The following SLC9C1 variants were observed in gnomAD, a reference collection of about 807,000 sequenced individuals.
SLC9C1 encodes the protein sodium/hydrogen exchanger 10.
SLC9C1 carries 97 observed loss-of-function variants against 140.9 expected under a neutral mutation model. The observed-to-expected ratio is 0.69, with a 90% confidence interval of 0.58 to 0.82. The LOEUF is 0.82. SLC9C1 is among the 40% of genes least tolerant of loss of function. The probability of loss-of-function intolerance (pLI) is 0.00; values close to 1 mark genes in which losing one functional copy is unlikely to be tolerated. For missense variants in SLC9C1, 1,340 were observed against 1,389.3 expected, an observed-to-expected ratio of 0.96 and a Z score of 0.56; for synonymous variants, 440 against 442.6, an observed-to-expected ratio of 0.99 and a Z score of 0.07.
chr3:112,199,982 A>C (rs1179602137), intron 19 of SLC9C1, among the ~76,000 whole-genome samples: 1 of 151,992 alleles, frequency 6.6e-6, no homozygotes, highest in Non-Finnish European at 1.5e-5. Flanking sequence ...AGTCCATGAA[A>C]ATTTCATCTT....
intron 1 of SLC9C1, among the ~76,000 whole-genome samples, chr3:112,293,110 TACAA>T (rs750397313): frequency 5.6e-5 from 1 of 17,970 alleles, no homozygotes; most frequent in African/African-American, 2.0e-4. Context: ...CTACTAAAAA[TACAA>T]AAAAAAAAAA....
At chr3:112,262,194 T>C (rs912128829) in intron 10 of SLC9C1, among the ~76,000 whole-genome samples, 5 of 152,062 alleles carry the variant, frequency 3.3e-5, no homozygotes, top group Non-Finnish European at 7.4e-5. Context: ...GTGATGACAC[T>C]GATCTTGAAT....
At position 112,141,202 on chromosome 3, in the gene SLC9C1, AGT is replaced by A. The variant is rs1226243434; in HGVS notation, c.*68_*69del. 3.5e-6 allele frequency: 5 copies of A among 1,439,876 alleles called. No homozygotes were observed. Among genetic ancestry groups the A allele is most frequent in the Non-Finnish European group, 4.6e-6 (5 of 1,077,710 alleles). The allele number at this position is 1,439,876 out of a possible 1,614,324, so 89.2% of individuals were successfully genotyped here. ...AAGTTACTCCTTCTTGATGTAGGGA[AGT>A]GTGTTTCTGCAGCAGGAGGCCTCTC... is the stretch of plus-strand genomic sequence containing the variant. On this transcript the variant is annotated 3_prime_UTR_variant, in exon 29 of 29. Coordinates refer to ENST00000305815, the MANE Select transcript of SLC9C1 (RefSeq NM_183061.3).
intron 23 of SLC9C1, among the ~76,000 whole-genome samples, chr3:112,174,003 T>C (rs1384295160): frequency 6.6e-6 from 1 of 152,214 alleles, no homozygotes; most frequent in Non-Finnish European, 1.5e-5. Flanking sequence ...TATCTCATTG[T>C]GTTTTGATTT....
chr3:112,286,757 G>C lies in SLC9C1; in HGVS notation c.35C>G (p.Thr12Ser), dbSNP rs1156295904. Residue 12 changes from threonine to serine, a missense_variant, in exon 2 of 29, where the codon ACT (threonine) becomes AGT (serine). Coordinates refer to ENST00000305815, the MANE Select transcript of SLC9C1 (RefSeq NM_183061.3). ...TAGAATGACTTCAGGGAGGTCCTCAGTACTGAAAAAAAACTCCTTAAATAT... is the reference window on the plus strand; with the variant it reads ...TAGAATGACTTCAGGGAGGTCCTCACTACTGAAAAAAAACTCCTTAAATAT... ...AGIFKEFFFS[T>S]EDLPEVILTL... The C allele has an allele frequency of 6.2e-7, 1 of 1,611,932 alleles. No homozygotes were observed. Among genetic ancestry groups the C allele is most frequent in the Non-Finnish European group, 8.5e-7 (1 of 1,179,302 alleles).
intron 10 of SLC9C1, among the ~76,000 whole-genome samples, chr3:112,251,142 G>GGGGT (rs1293084296): frequency 1.3e-5 from 2 of 152,090 alleles, no homozygotes; most frequent in Non-Finnish European, 2.9e-5. Flanking sequence ...AGAAATAGAA[G>GGGGT]GGGTGAGTAA....
At chr3:112,224,002 G>A (rs2078611698) in intron 13 of SLC9C1, among the ~76,000 whole-genome samples, 2 of 152,178 alleles carry the variant, frequency 1.3e-5, no homozygotes, top group Admixed American at 1.3e-4. Flanking sequence ...AGACCAGCCT[G>A]GAACCCTGTC....
chr3:112,163,303 C>A (rs1560016841), intron 26 of SLC9C1, among the ~76,000 whole-genome samples: 1 of 147,590 alleles, frequency 6.8e-6, no homozygotes, highest in Non-Finnish European at 1.5e-5. Context: ...TTATTTCTTG[C>A]CTTCTGCTAG....
At chr3:112,286,650 A>T (rs530627651) in intron 2 of SLC9C1, 54 bp downstream of exon 2, 1 of 1,446,998 alleles carries the variant, frequency 6.9e-7, no homozygotes, top group East Asian at 2.3e-5. Context: ...ATATGGTAGC[A>T]TTTATAAGAT....
intron 2 of SLC9C1, 79 bp downstream of exon 2, chr3:112,286,625 A>G: frequency 8.2e-7 from 1 of 1,212,638 alleles, no homozygotes. Flanking sequence ...TATTACTTCT[A>G]CTTTCCTTAA....
chr3:112,280,610 A>G, intron 3 of SLC9C1, 73 bp downstream of exon 3: 1 of 1,369,260 alleles, frequency 7.3e-7, no homozygotes, highest in Non-Finnish European at 9.9e-7. Context: ...AACTTTTGCA[A>G]ATTTTAAATG....
rs915309222 is a variant in SLC9C1 at position 112,179,491 on chromosome 3, A to G, written c.2919+40T>C. 4 of 1,570,008 alleles carry G rather than the reference A, an allele frequency of 2.5e-6. No individual in the cohort carries two copies. In the African/African-American group the frequency reaches 5.5e-5, roughly 22 times the overall value. On this transcript the variant is annotated intron_variant, in intron 23 of 28. Coordinates refer to ENST00000305815, the MANE Select transcript of SLC9C1 (RefSeq NM_183061.3). ...AATAACCTTAAATCTGATATTATTT[A>G]ACAAAATACAACAAAAGTCACAGGC...
chr3:112,277,929 A>G, intron 4 of SLC9C1, 69 bp from the exon 5 acceptor site: 1 of 1,331,336 alleles, frequency 7.5e-7, no homozygotes. Flanking sequence ...GAAAATAATC[A>G]GGATTATTGG....
chr3:112,280,855 C>T, intron 2 of SLC9C1, 72 bp from the exon 3 acceptor site: 1 of 1,379,314 alleles, frequency 7.2e-7, no homozygotes, highest in Non-Finnish European at 1.0e-6. Flanking sequence ...GACATGATTT[C>T]TTAAAATTGT....
intron 20 of SLC9C1, among the ~76,000 whole-genome samples, chr3:112,195,135 T>C (rs1344988668): frequency 6.6e-6 from 1 of 152,152 alleles, no homozygotes; most frequent in African/African-American, 2.4e-5. Flanking sequence ...TTTCCTGAAG[T>C]GCACTTTGTC....
intron 20 of SLC9C1, among the ~76,000 whole-genome samples, chr3:112,198,245 T>A (rs2077816331): frequency 6.6e-6 from 1 of 151,938 alleles, no homozygotes; most frequent in Non-Finnish European, 1.5e-5. Context: ...AATATTTTTC[T>A]AAATTTTTCC....
chr3:112,283,890 ATTAC>A (rs1295287835), intron 2 of SLC9C1, among the ~76,000 whole-genome samples: 3 of 150,468 alleles, frequency 2.0e-5, no homozygotes, highest in Non-Finnish European at 2.9e-5. Flanking sequence ...CGCCTATTAC[ATTAC>A]TTCTTTCAAA....
At chr3:112,283,665 G>T (rs554139060) in intron 2 of SLC9C1, among the ~76,000 whole-genome samples, 2 of 152,038 alleles carry the variant, frequency 1.3e-5, no homozygotes, top group East Asian at 3.9e-4. Context: ...AGGCAGTTTT[G>T]CTTTTTTTAG....
At chr3:112,278,650 G>A in intron 4 of SLC9C1, 79 bp downstream of exon 4, 2 of 1,449,408 alleles carry the variant, frequency 1.4e-6, no homozygotes, top group South Asian at 2.9e-5. Flanking sequence ...CCCTATTTTG[G>A]AAAAAAATAT....
Sources: allele counts gnomAD v4.1 joint callset (sites outside exome capture counted in the v4.1 genomes callset), GRCh38; gene constraint gnomAD v4.1.1; transcripts MANE v1.5; gene names NCBI Gene and HGNC (gene_info 2026-07-23, HGNC 2026-07-21).